The following MALRD1 variants were observed in gnomAD, a reference collection of about 807,000 sequenced individuals.
MALRD1 encodes the protein MAM and LDL-receptor class A domain-containing protein 1.
In MALRD1, 247 loss-of-function variants were observed where a neutral mutation model predicts 242.1. The observed-to-expected ratio is 1.02, with a 90% CI of 0.92 to 1.13. The LOEUF is 1.13. MALRD1 is among the 50% of genes most tolerant of loss of function. MALRD1 has a pLI of 0.00. For synonymous variants in MALRD1, 995 were observed against 866.6 expected (o/e 1.15, Z -2.60); for missense variants, 2,989 against 2,533.1 (o/e 1.18, Z -3.86).
At chr10:19,257,916 A>AT (rs1251069601) in intron 19 of MALRD1, 145 bp downstream of exon 19, 9 of 525,936 alleles carry the variant, frequency 1.7e-5, no homozygotes, top group African/African-American at 1.2e-4. Flanking sequence ...TCTGGAAAAG[A>AT]TTTTTTTAGA....
intron 21 of MALRD1, among the ~76,000 whole-genome samples, chr10:19,314,808 C>A (rs1375133266): frequency 6.6e-6 from 1 of 151,292 alleles, no homozygotes; most frequent in African/African-American, 2.4e-5. Context: ...CTATCTAGAT[C>A]TTTACCAAAA....
At chr10:19,326,065 T>C (rs528258370) in intron 22 of MALRD1, among the ~76,000 whole-genome samples, 3 of 152,262 alleles carry the variant, frequency 2.0e-5, no homozygotes, top group Admixed American at 1.3e-4. Context: ...GAGACTTCGT[T>C]CTGAAAACAG....
intron 10 of MALRD1, among the ~76,000 whole-genome samples, chr10:19,143,549 G>A (rs1833620853): frequency 6.6e-6 from 1 of 152,202 alleles, no homozygotes; most frequent in Non-Finnish European, 1.5e-5. Context: ...AAGAGATGAA[G>A]TATTAATTAT....
At chr10:19,051,733 G>GT (rs1834503286) in intron 1 of MALRD1, 1 of 154,538 alleles carries the variant, frequency 6.5e-6, no homozygotes, top group African/African-American at 2.4e-5. Context: ...GACCATCCTG[G>GT]CTCACGGTGA....
chr10:19,229,992 C>T (rs1837979584), intron 18 of MALRD1, among the ~76,000 whole-genome samples: 1 of 152,068 alleles, frequency 6.6e-6, no homozygotes, highest in Non-Finnish European at 1.5e-5. Flanking sequence ...GGCAGTTTTC[C>T]CCATACTGTT....
chr10:19,270,320 TC>T (rs1564517330), intron 19 of MALRD1, among the ~76,000 whole-genome samples: 1,108 of 96,442 alleles, frequency 0.011, 19 homozygotes, highest in African/African-American at 0.054. Flanking sequence ...CTCTCTCTTC[TC>T]TCTCTCTCTC....
intron 38 of MALRD1, among the ~76,000 whole-genome samples, chr10:19,717,183 G>T (rs1348494214): frequency 2.0e-5 from 3 of 152,214 alleles, no homozygotes; most frequent in Non-Finnish European, 2.9e-5. Context: ...TCTGCTCCGA[G>T]ATGAAAAAGT....
chr10:19,558,250 A>G (rs551721842), intron 32 of MALRD1, among the ~76,000 whole-genome samples: 4 of 151,880 alleles, frequency 2.6e-5, no homozygotes, highest in Middle Eastern at 3.4e-3. Flanking sequence ...TTCTATTATT[A>G]TGCTACCAAG....
At chr10:19,381,295 A>C (rs1405906883) in intron 26 of MALRD1, among the ~76,000 whole-genome samples, 1 of 151,164 alleles carries the variant, frequency 6.6e-6, no homozygotes, top group Non-Finnish European at 1.5e-5. Flanking sequence ...ACATTTTCTT[A>C]ATCCAGTCTA....
At chr10:19,466,628 C>A (rs1836228563) in intron 29 of MALRD1, among the ~76,000 whole-genome samples, 2 of 152,140 alleles carry the variant, frequency 1.3e-5, no homozygotes, top group Non-Finnish European at 2.9e-5. Context: ...TGTGTTATTA[C>A]AAGTTCTTTC....
At chr10:19,434,733 T>G (rs988694188) in intron 28 of MALRD1, among the ~76,000 whole-genome samples, 1 of 152,012 alleles carries the variant, frequency 6.6e-6, no homozygotes, top group Non-Finnish European at 1.5e-5. Flanking sequence ...GTTCTAGTCT[T>G]TTTCTGAGGC....
intron 1 of MALRD1, among the ~76,000 whole-genome samples, chr10:19,060,636 A>G (rs1467841823): frequency 6.6e-6 from 1 of 152,144 alleles, no homozygotes; most frequent in African/African-American, 2.4e-5. Flanking sequence ...CTATTCAAGG[A>G]CCAATTCTTA....
At chr10:19,305,261 A>C (rs138166174) in intron 21 of MALRD1, among the ~76,000 whole-genome samples, 1 of 151,802 alleles carries the variant, frequency 6.6e-6, no homozygotes, top group African/African-American at 2.4e-5. Context: ...ATCTAATCGC[A>C]ATCTAACATT....
At chr10:19,733,467 A>C (rs1268441911) in intron 39 of MALRD1, among the ~76,000 whole-genome samples, 7 of 152,148 alleles carry the variant, frequency 4.6e-5, no homozygotes, top group Non-Finnish European at 1.0e-4. Flanking sequence ...GCCATCAAAC[A>C]TTCAGTATTC....
intron 11 of MALRD1, among the ~76,000 whole-genome samples, chr10:19,148,786 AAAAT>A (rs1455764119): frequency 2.8e-4 from 19 of 68,194 alleles, no homozygotes; most frequent in African/African-American, 7.0e-4. Context: ...AAAAAAAAAA[AAAAT>A]ATATATATAT....
At chr10:19,619,088 C>A (rs1839293161) in intron 36 of MALRD1, among the ~76,000 whole-genome samples, 1 of 152,098 alleles carries the variant, frequency 6.6e-6, no homozygotes, top group Non-Finnish European at 1.5e-5. Context: ...TTGGTTATCT[C>A]CTAGCCATCA....
chr10:19,604,905 G>A (rs933359003), intron 34 of MALRD1, among the ~76,000 whole-genome samples: 4 of 152,084 alleles, frequency 2.6e-5, no homozygotes, highest in Non-Finnish European at 4.4e-5. Flanking sequence ...AACTGAGCCT[G>A]CCATATTGCT....
At chr10:19,483,144 A>T (rs1346950968) in intron 29 of MALRD1, among the ~76,000 whole-genome samples, 1 of 151,974 alleles carries the variant, frequency 6.6e-6, no homozygotes, top group Non-Finnish European at 1.5e-5. Flanking sequence ...CACACATTTT[A>T]CAAAAATTAA....
intron 36 of MALRD1, among the ~76,000 whole-genome samples, chr10:19,665,401 C>T (rs991902896): frequency 2.0e-5 from 3 of 152,088 alleles, no homozygotes; most frequent in Non-Finnish European, 4.4e-5. Flanking sequence ...GTGATAAGGT[C>T]GTTTTCCCAT....
Sources: gnomAD v4.1 joint callset for allele counts (sites outside exome capture counted in the v4.1 genomes callset) on GRCh38, gnomAD v4.1.1 for gene constraint, MANE v1.5 for transcripts, NCBI Gene and HGNC (gene_info 2026-07-23, HGNC 2026-07-21) for gene names.